The following EVC2 variants were observed in gnomAD, a reference collection of about 807,000 sequenced individuals.
EVC2 encodes the protein EvC ciliary complex subunit 2.
A neutral mutation model predicts 149.3 loss-of-function variants in EVC2; 148 were observed. The ratio of observed to expected loss-of-function variants is 0.99; its 90% CI spans 0.87 to 1.14. The LOEUF is 1.14. Ranked by LOEUF, EVC2 falls within the 50% of genes most tolerant of loss-of-function variation. EVC2 has a pLI of 0.00. For synonymous variants in EVC2, 776 were observed against 649.9 expected, an observed-to-expected ratio of 1.19 and a Z score of -2.95; for missense variants, 1,854 against 1,627.3, an observed-to-expected ratio of 1.14 and a Z score of -2.40.
At chr4:5,626,524 C>T (rs1316670772) in intron 12 of EVC2, among the ~76,000 whole-genome samples, 3 of 151,900 alleles carry the variant, frequency 2.0e-5, no homozygotes, top group Non-Finnish European at 2.9e-5. Flanking sequence ...TTAGTAGAGA[C>T]GGGGTTTCAC....
rs1720710258 is a variant in EVC2 at position 5,686,336 on chromosome 4, G to A, written c.707-857C>T. Among the ~76,000 whole-genome samples, 1 of 152,076 alleles carries A rather than the reference G, an allele frequency of 6.6e-6. No individual in the cohort carries two copies. The highest frequency in any genetic ancestry group is 1.5e-5 in the Non-Finnish European group (1 of 68,014). ...GCCTCCTGAGTAGCTGGGACTTTAG[G>A]TGTGGACCATGCTCATCTCATTTTA... On this transcript the variant is annotated intron_variant, in intron 5 of 21. Transcript: ENST00000344408. This position sits in a 1 kb window ranked among gnomAD's most constrained non-coding sequence, Gnocchi z 5.4.
chr4:5,560,679 A>G (rs1721923934), downstream of EVC2, among the ~76,000 whole-genome samples: 1 of 152,234 alleles, frequency 6.6e-6, no homozygotes, highest in South Asian at 2.1e-4. The surrounding 1 kb of genome is among the most constrained non-coding windows in gnomAD (Gnocchi z 4.1). Flanking sequence ...AGATGTTAAA[A>G]TATAATAAAA....
chr4:5,689,998 A>C (rs1343330807), intron 4 of EVC2, among the ~76,000 whole-genome samples: 1 of 152,226 alleles, frequency 6.6e-6, no homozygotes, highest in African/African-American at 2.4e-5. Flanking sequence ...AGAAGGAAGC[A>C]ATGTGTGTGC....
intron 11 of EVC2, among the ~76,000 whole-genome samples, chr4:5,631,252 G>A (rs1254492175): frequency 1.3e-5 from 2 of 152,112 alleles, no homozygotes; most frequent in African/African-American, 4.8e-5. Context: ...ATTTGAGACA[G>A]GGTCTGGCTT....
Position 5,693,977 on chromosome 4 carries a change from C to T in EVC2, c.450+358G>A, listed in dbSNP as rs193008200. ...CATAGAAAGTGCTAAACCCAGTGCC[C>T]GACCCATAGTAAATGCTTGTGAAAT... On this transcript the variant is annotated intron_variant, in intron 3 of 21. Transcript: ENST00000344408. Among the ~76,000 whole-genome samples, 13 of 152,260 alleles carry T rather than the reference C, an allele frequency of 8.5e-5. No individual in the cohort carries two copies. In the East Asian group the frequency reaches 2.3e-3, roughly 27 times the overall value.
chr4:5,542,542 T>C (rs1403824630), downstream of EVC2, among the ~76,000 whole-genome samples: 2 of 152,174 alleles, frequency 1.3e-5, no homozygotes, highest in East Asian at 3.9e-4. Flanking sequence ...GGGCCACAAC[T>C]CACCCTTGTC....
intron 3 of EVC2, among the ~76,000 whole-genome samples, chr4:5,691,552 A>T (rs1721122229): frequency 6.6e-6 from 1 of 152,224 alleles, no homozygotes; most frequent in South Asian, 2.1e-4. Context: ...ACCACAGTGT[A>T]TTCCTGGTCT....
intron 16 of EVC2, among the ~76,000 whole-genome samples, chr4:5,586,249 T>A (rs1476415106): frequency 6.6e-6 from 1 of 152,176 alleles, no homozygotes; most frequent in Admixed American, 6.5e-5. Context: ...TGCTTCCCCC[T>A]TCCCTCCCTT....
intron 21 of EVC2, among the ~76,000 whole-genome samples, chr4:5,557,136 A>G (rs1721853894): frequency 6.6e-6 from 1 of 152,122 alleles, no homozygotes; most frequent in Non-Finnish European, 1.5e-5. Context: ...AAAACTAGAG[A>G]CCTATATCTC....
intron 7 of EVC2, among the ~76,000 whole-genome samples, chr4:5,676,266 C>T (rs1405788227): frequency 6.6e-6 from 1 of 152,172 alleles, no homozygotes. Flanking sequence ...TTTCTTGGGG[C>T]CTCATTTTCC....
rs115455372 is a variant in EVC2 at position 5,678,609 on chromosome 4, G to C, written c.870+2651C>G. Among the ~76,000 whole-genome samples, 479 of 152,286 alleles carry C rather than the reference G, an allele frequency of 3.1e-3. 5 individuals carry two copies. In the South Asian group the frequency reaches 0.038, roughly 12 times the overall value. The stretch of plus-strand genomic sequence containing the variant: ...CCACAGAGTGACTTACACCAACCTA[G>C]ATGATCTAGCCTACTACACACCTAA... On this transcript the variant is annotated intron_variant, in intron 7 of 21. Coordinates refer to ENST00000344408, the MANE Select transcript of EVC2 (RefSeq NM_147127.5).
At chr4:5,624,504 G>A (rs879699717) in intron 13 of EVC2, among the ~76,000 whole-genome samples, 10 of 152,180 alleles carry the variant, frequency 6.6e-5, no homozygotes, top group East Asian at 1.9e-4. Context: ...GGGATGCAAC[G>A]TAAGTTTTTG....
At chr4:5,661,308 C>T (rs992579787) in intron 9 of EVC2, among the ~76,000 whole-genome samples, 2 of 152,192 alleles carry the variant, frequency 1.3e-5, no homozygotes, top group Non-Finnish European at 2.9e-5. Context: ...TGAAGCCCAG[C>T]TTTGAATGAT....
the EVC2 span, among the ~76,000 whole-genome samples, chr4:5,535,280 G>A: frequency 1.3e-5 from 2 of 152,084 alleles, no homozygotes; most frequent in South Asian, 2.1e-4. The surrounding 1 kb of genome is among the most constrained non-coding windows in gnomAD (Gnocchi z 4.7). Context: ...AACCTCTGCC[G>A]TAATCCACAC....
At chr4:5,617,691 A>G (rs1217745311) in intron 15 of EVC2, among the ~76,000 whole-genome samples, 5 of 152,212 alleles carry the variant, frequency 3.3e-5, no homozygotes, top group Non-Finnish European at 7.3e-5. Context: ...TGGAGGTGGC[A>G]TTTGAGCTGA....
At position 5,633,707 on chromosome 4, in the gene EVC2, C is replaced by T. The variant is rs1270432866; in HGVS notation, c.1471-1675G>A. On this transcript the variant is annotated intron_variant, in intron 10 of 21. Coordinates refer to ENST00000344408, the MANE Select transcript of EVC2 (RefSeq NM_147127.5). The surrounding 1 kb of genome is among the most constrained non-coding windows in gnomAD (Gnocchi z 4.4). Reference sequence around the variant, plus strand: ...GCCATGGCTGGGCTGAGTAGAAGCCCGAGGAAGGCAGAAGGGGCTCCGGTG... The same window carrying T: ...GCCATGGCTGGGCTGAGTAGAAGCCTGAGGAAGGCAGAAGGGGCTCCGGTG... 2.0e-5 allele frequency among the ~76,000 whole-genome samples: 3 copies of T among 152,216 alleles called. No homozygotes were observed. The highest frequency in any genetic ancestry group is 4.4e-5 in the Non-Finnish European group (3 of 68,040).
rs986736212 is a variant in EVC2 at position 5,567,826 on chromosome 4, C to T, written c.3557+618G>A. 6.6e-6 allele frequency among the ~76,000 whole-genome samples: 1 copy of T among 152,082 alleles called. No individual in the cohort carries two copies. The highest frequency in any genetic ancestry group is 1.5e-5 in the Non-Finnish European group (1 of 68,032). On this transcript the variant is annotated intron_variant, in intron 20 of 21. Transcript: ENST00000344408. The surrounding 1 kb of genome is among the most constrained non-coding windows in gnomAD (Gnocchi z 4.4). ...GTAAAAATAATATCCACCTGTGCCA[C>T]GTGTCAATAACATTGAAAGAATAAA...
chr4:5,707,543 C>T (rs572531312), intron 1 of EVC2, among the ~76,000 whole-genome samples: 1 of 152,036 alleles, frequency 6.6e-6, no homozygotes, highest in African/African-American at 2.4e-5. Flanking sequence ...GGACAGACCA[C>T]CCCAGAGGTC....
chr4:5,708,105 T>C, intron 1 of EVC2, 181 bp downstream of exon 1: 2 of 495,762 alleles, frequency 4.0e-6, no homozygotes, highest in Admixed American at 8.7e-5. Context: ...GGTCTCCAGT[T>C]TCCCTCGAAG....
Sources: gnomAD v4.1 joint callset for allele counts (sites outside exome capture counted in the v4.1 genomes callset) on GRCh38, gnomAD v4.1.1 for gene constraint, Gnocchi (gnomAD v3.1) non-coding constraint, MANE v1.5 for transcripts, NCBI Gene and HGNC (gene_info 2026-07-23, HGNC 2026-07-21) for gene names.